Variants in RGS11 observed in about 807,000 individuals in gnomAD.
RGS11 encodes the protein regulator of G protein signaling 11.
RGS11 carries 86 observed loss-of-function variants against 71.1 expected under a neutral mutation model. That is an observed-to-expected ratio of 1.21 (90% CI 1.02 to 1.45). The LOEUF is 1.45. Among genes scored for constraint, RGS11 ranks in the 40% most tolerant of loss-of-function variants. The probability of loss-of-function intolerance (pLI) is 0.00; values close to 1 mark genes in which losing one functional copy is unlikely to be tolerated. For synonymous variants in RGS11, 298 were observed against 254.2 expected, an observed-to-expected ratio of 1.17 and a Z score of -1.64; for missense variants, 734 against 635.1, an observed-to-expected ratio of 1.16 and a Z score of -1.67.
Position 273,461 on chromosome 16 carries a change from G to C in RGS11, c.588+14C>G. The C allele has an allele frequency of 6.5e-7, 1 of 1,543,674 alleles. No individual in the cohort carries two copies. Among genetic ancestry groups the C allele is most frequent in the Admixed American group, 2.0e-5 (1 of 50,814 alleles). On this transcript the variant is annotated intron_variant, in intron 8 of 16. Coordinates refer to ENST00000397770, the MANE Select transcript of RGS11 (RefSeq NM_183337.3). ...CTGGCCAGCGACCCCCACCCTCACC[G>C]CAGGTGGGCTCACCGGGGGCCTGTT...
chr16:274,694 G>A (rs533946685), intron 4 of RGS11: 1 of 678,906 alleles, frequency 1.5e-6, no homozygotes, highest in African/African-American at 1.8e-5. Flanking sequence ...GGACCCCCAG[G>A]AAGATGGCAG....
In RGS11 at chr16:268,778, T is replaced by C. The variant is rs1235530624; in HGVS notation, c.*491A>G. On this transcript the variant is annotated 3_prime_UTR_variant, in exon 17 of 17. Coordinates refer to ENST00000397770, the MANE Select transcript of RGS11 (RefSeq NM_183337.3). The stretch of plus-strand genomic sequence containing the variant: ...CACTCTCTTGGGTCCTCTTCCAGGC[T>C]CACACTGGGCGACAGCGGAGAGGCT... 4 of 1,549,946 alleles carry C rather than the reference T, an allele frequency of 2.6e-6. No homozygotes were observed. The highest frequency in any genetic ancestry group is 3.5e-6 in the Non-Finnish European group (4 of 1,146,944).
Position 275,069 on chromosome 16 carries a change from C to G in RGS11, c.225G>C (p.Leu75=), listed in dbSNP as rs775910827. 1 of 1,480,882 alleles carries G rather than the reference C, an allele frequency of 6.8e-7. No homozygotes were observed. The highest frequency in any genetic ancestry group is 1.4e-5 in the South Asian group (1 of 72,322). The allele number at this position is 1,480,882 out of a possible 1,614,324, so 91.7% of individuals were successfully genotyped here. ...FCVSEEEALH[L]GAVLVQHGYI... is the part of the protein sequence containing the mutation. ...AGCCATGCTGCACCAGGACGGCGCC[C>G]AGGTGCAGGGCCTCTGGGGAGGGGT... The change falls in exon 4 of 17, where the codon CTG becomes CTC. Residue 75 remains leucine (L), a synonymous_variant. Transcript: ENST00000397770.
rs1303508830 is a variant in RGS11 at position 268,633 on chromosome 16, C to T, written c.*636G>A. The stretch of plus-strand genomic sequence containing the variant: ...TGTCTATAAATCGGGGGGGAGGCCG[C>T]GGCCTCGAGGTGGGAAAGCAGGTGC... On this transcript the variant is annotated 3_prime_UTR_variant, in exon 17 of 17. Coordinates refer to ENST00000397770, the MANE Select transcript of RGS11 (RefSeq NM_183337.3). The T allele has an allele frequency of 6.3e-5, 48 of 760,238 alleles. No homozygotes were observed. The highest frequency in any genetic ancestry group is 5.7e-4 in the Admixed American group (24 of 41,780). 47.1% of individuals were successfully genotyped at this position (760,238 alleles called of 1,614,324 possible). A position where few individuals can be genotyped will look rare whatever the true frequency, so the allele number is the denominator to read the frequency against.
rs1315078845 is a variant in RGS11 at position 275,010 on chromosome 16, A to G, written c.284T>C (p.Met95Thr). 12 of 1,533,288 alleles carry G rather than the reference A, an allele frequency of 7.8e-6. No homozygotes were observed. Among genetic ancestry groups the G allele is most frequent in the Non-Finnish European group, 1.1e-5 (12 of 1,137,494 alleles). The allele number at this position is 1,533,288 out of a possible 1,614,324, so 95.0% of individuals were successfully genotyped here. A position where few individuals can be genotyped will look rare whatever the true frequency, so the allele number is the denominator to read the frequency against. Reference protein sequence around the residue: ...IYPLRDPRSLMLRPDETPYRF... With the variant: ...IYPLRDPRSLTLRPDETPYRF... ...GTAGGGCGTCTCGTCTGGCCGGAGC[A>G]TGAGGCTACGGGGGTCGCGCAGCGG... Residue 95 changes from methionine (M) to threonine (T), a missense_variant, in exon 4 of 17, where the codon ATG becomes ACG. By Grantham distance (81) the Met-to-Thr change is moderately conservative (BLOSUM62 -1). Transcript: ENST00000397770.
rs892822936 is a variant in RGS11 at position 272,081 on chromosome 16, C to T, written c.658-512G>A. 3.4e-6 allele frequency: 3 copies of T among 886,416 alleles called. No homozygotes were observed. In the African/African-American group the frequency reaches 5.4e-5, roughly 16 times the overall value. The allele number at this position is 886,416 out of a possible 1,614,324, so 54.9% of individuals were successfully genotyped here. A position where few individuals can be genotyped will look rare whatever the true frequency, so the allele number is the denominator to read the frequency against. ...GAACTCCTGAACTCAGGTGATCTGC[C>T]CGCCTCAGCCTCCCAAAGTGCTGGG... is the stretch of plus-strand genomic sequence containing the variant. On this transcript the variant is annotated intron_variant, in intron 9 of 16. Transcript: ENST00000397770.
At chr16:274,849 C>T (rs2052093968) in intron 4 of RGS11, 127 bp downstream of exon 4, 21 of 1,319,116 alleles carry the variant, frequency 1.6e-5, no homozygotes, top group Non-Finnish European at 2.1e-5. Flanking sequence ...CACCAGCCCA[C>T]GGCGACATGG....
chr16:272,910 C>G lies in RGS11; in HGVS notation c.610G>C (p.Glu204Gln), dbSNP rs1351796611. The G allele has an allele frequency of 6.6e-7, 1 of 1,523,406 alleles. No homozygotes were observed. The highest frequency in any genetic ancestry group is 2.1e-5 in the Admixed American group (1 of 48,732). 94.4% of individuals were successfully genotyped at this position (1,523,406 alleles called of 1,614,324 possible). A position where few individuals can be genotyped will look rare whatever the true frequency, so the allele number is the denominator to read the frequency against. Residue 204 changes from glutamate to glutamine, a missense_variant, in exon 9 of 17, where the codon GAG becomes CAG. By Grantham distance (29) the Glu-to-Gln change is conservative. Coordinates refer to ENST00000397770, the MANE Select transcript of RGS11 (RefSeq NM_183337.3). ...CAGGATCCCCGCCCTGGACCCTGCTCCAGCACATCGGGGGCCCCGGGCTGC... is the reference window on the plus strand; with the variant it reads ...CAGGATCCCCGCCCTGGACCCTGCTGCAGCACATCGGGGGCCCCGGGCTGC... ...RPPPGAPDVL[E>Q]QGPGRGSCAA...
chr16:273,803 G>A lies in RGS11; in HGVS notation c.463C>T (p.His155Tyr). The change falls in exon 7 of 17, where the codon CAC becomes TAC. Residue 155 changes from histidine to tyrosine, a missense_variant. His to Tyr is a moderately conservative substitution (Grantham distance 83). Transcript: ENST00000397770. ...TGCATCAGCACCAGGTCCCATGCGTGGTTGATCTTCTTGTGTAGCCGGTCA... is the reference window on the plus strand; with the variant it reads ...TGCATCAGCACCAGGTCCCATGCGTAGTTGATCTTCTTGTGTAGCCGGTCA... ...CYDRLHKKINHAWDLVLMQAR... is the reference protein window; with the variant it reads ...CYDRLHKKINYAWDLVLMQAR... 6.2e-7 allele frequency: 1 copy of A among 1,613,288 alleles called. No individual in the cohort carries two copies. Among genetic ancestry groups the A allele is most frequent in the Non-Finnish European group, 8.5e-7 (1 of 1,180,004 alleles).
In RGS11 at chr16:268,995, C is replaced by T. The variant is rs1368457198; in HGVS notation, c.*274G>A. Reference sequence around the variant, plus strand: ...GGAGCTCCCTGTGGCCTTGGTCTCACCTCTCTTCAGGTAACAGGCTCTGCC... The same window carrying T: ...GGAGCTCCCTGTGGCCTTGGTCTCATCTCTCTTCAGGTAACAGGCTCTGCC... On this transcript the variant is annotated 3_prime_UTR_variant, in exon 17 of 17. Coordinates refer to ENST00000397770, the MANE Select transcript of RGS11 (RefSeq NM_183337.3). 19 of 1,486,988 alleles carry T rather than the reference C, an allele frequency of 1.3e-5. No homozygotes were observed. Among genetic ancestry groups the T allele is most frequent in the Non-Finnish European group, 1.7e-5 (19 of 1,089,432 alleles). The allele number at this position is 1,486,988 out of a possible 1,614,324, so 92.1% of individuals were successfully genotyped here.
rs545452319 is a variant in RGS11 at position 275,657 on chromosome 16, A to C, written c.64-159T>G. On this transcript the variant is annotated intron_variant, in intron 1 of 16. Coordinates refer to ENST00000397770, the MANE Select transcript of RGS11 (RefSeq NM_183337.3). ...GGCGGGGACGCGGGGCGGGCCGGGG[A>C]GGGCCGGGGAGGGCCGGGGAGACCC... is the stretch of plus-strand genomic sequence containing the variant. 9.9e-3 allele frequency: 1,070 copies of C among 107,568 alleles called. 11 individuals carry two copies. In the African/African-American group the frequency reaches 0.17, roughly 18 times the overall value. 6.7% of individuals were successfully genotyped at this position (107,568 alleles called of 1,614,324 possible).
intron 15 of RGS11, among the ~76,000 whole-genome samples, chr16:270,252 CAAAAG>C (rs779533699): frequency 3.0e-5 from 4 of 131,522 alleles, no homozygotes; most frequent in East Asian, 2.3e-4. Context: ...CGCCTCAAAA[CAAAAG>C]AAAACAAAAC....
At position 271,213 on chromosome 16, in the gene RGS11, C is replaced by T; in HGVS notation, c.852G>A (p.Met284Ile). The T allele has an allele frequency of 6.2e-7, 1 of 1,612,604 alleles. No individual in the cohort carries two copies. Among genetic ancestry groups the T allele is most frequent in the Non-Finnish European group, 8.5e-7 (1 of 1,179,714 alleles). ...CCGCCTGGGCTCACGTGGGGGCATT[C>T]ATGACCCAGTAGGCGTCATTGTCTG... The part of the protein sequence containing the change: ...WISDNDAYWV[M>I]NAPTVAAPTK... The change falls in exon 12 of 17, where the codon ATG becomes ATA. Residue 284 changes from methionine (M) to isoleucine (I), a missense_variant. Coordinates refer to ENST00000397770, the MANE Select transcript of RGS11 (RefSeq NM_183337.3).
At chr16:274,135 G>A (rs1340812070) in intron 5 of RGS11, 34 bp from the exon 6 acceptor site, 4 of 1,564,924 alleles carry the variant, frequency 2.6e-6, no homozygotes, top group Non-Finnish European at 2.6e-6. Flanking sequence ...AGAGGGGCCA[G>A]CTCTGCCCTG....
At chr16:273,919 G>T in intron 6 of RGS11, 83 bp from the exon 7 acceptor site, 1 of 1,500,560 alleles carries the variant, frequency 6.7e-7, no homozygotes, top group Non-Finnish European at 9.3e-7. Context: ...GTTGGGGACT[G>T]TCTTGGGTTT....
chr16:269,348 C>T lies in RGS11; in HGVS notation c.1325G>A (p.Ser442Asn). The change falls in exon 17 of 17, where the codon AGC (serine) becomes AAC (asparagine). Residue 442 changes from serine (S) to asparagine (N), a missense_variant. Ser to Asn is a conservative substitution (Grantham distance 46). Transcript: ENST00000397770. ...FPFTWRPRHS[S>N]PSPALLPTPV... The stretch of plus-strand genomic sequence containing the variant: ...GGTGGGAAGGAGTGCAGGGCTGGGG[C>T]TCGAGTGCCGTGGCCTCCACGTAAA... The T allele has an allele frequency of 1.2e-6, 2 of 1,603,474 alleles. No homozygotes were observed. The highest frequency in any genetic ancestry group is 1.1e-5 in the South Asian group (1 of 89,482).
At chr16:269,837 A>C in intron 15 of RGS11, 1 of 449,878 alleles carries the variant, frequency 2.2e-6, no homozygotes, top group Non-Finnish European at 4.0e-6. Context: ...AGAGGAATAA[A>C]CCGCGGCACC....
chr16:275,520 G>C lies in RGS11; in HGVS notation c.64-22C>G, dbSNP rs1596920974. 3.3e-6 allele frequency: 5 copies of C among 1,525,722 alleles called. No homozygotes were observed. The African/African-American group carries it at 4.1e-5, about 12-fold the overall frequency. The allele number at this position is 1,525,722 out of a possible 1,614,324, so 94.5% of individuals were successfully genotyped here. A position where few individuals can be genotyped will look rare whatever the true frequency, so the allele number is the denominator to read the frequency against. On this transcript the variant is annotated intron_variant, in intron 1 of 16. Coordinates refer to ENST00000397770, the MANE Select transcript of RGS11 (RefSeq NM_183337.3). ...CCATCTGGGCGGAGGGAGTCGTCAG[G>C]GGGTGTCTGGCCGCCCCGCAACCCT...
Position 268,617 on chromosome 16 carries a change from A to G in RGS11, c.*652T>C, listed in dbSNP as rs2051777440. 1.5e-6 allele frequency: 1 copy of G among 676,026 alleles called. No homozygotes were observed. The highest frequency in any genetic ancestry group is 1.8e-5 in the African/African-American group (1 of 55,768). The allele number at this position is 676,026 out of a possible 1,614,324, so 41.9% of individuals were successfully genotyped here. Reference sequence around the variant, plus strand: ...GTGACAATGTCAGAGTTGTCTATAAATCGGGGGGGAGGCCGCGGCCTCGAG... The same window carrying G: ...GTGACAATGTCAGAGTTGTCTATAAGTCGGGGGGGAGGCCGCGGCCTCGAG... On this transcript the variant is annotated 3_prime_UTR_variant, in exon 17 of 17. Transcript: ENST00000397770.
Sources: gnomAD v4.1 joint callset for allele counts (sites outside exome capture counted in the v4.1 genomes callset) on GRCh38, gnomAD v4.1.1 for gene constraint, MANE v1.5 for transcripts, NCBI Gene and HGNC (gene_info 2026-07-23, HGNC 2026-07-21) for gene names.